MMP26: variants seen among roughly 807,000 people sequenced by gnomAD.
MMP26 encodes the protein matrix metalloproteinase-26.
In MMP26, 33 loss-of-function variants were observed where a neutral mutation model predicts 31.0. The observed-to-expected ratio is 1.06, with a 90% CI of 0.81 to 1.42. The LOEUF (loss-of-function observed/expected upper bound fraction) is 1.42, where lower values mean the gene tolerates loss of function less well. Among genes scored for constraint, MMP26 ranks in the 40% most tolerant of loss-of-function variants. The pLI is 0.00. For synonymous variants in MMP26, 122 were observed against 114.9 expected, an observed-to-expected ratio of 1.06 and a Z score of -0.40; for missense variants, 347 against 316.1, an observed-to-expected ratio of 1.10 and a Z score of -0.74.
chr11:4,772,124 A>C (rs185029232), intron 2 of MMP26, among the ~76,000 whole-genome samples: 2 of 152,266 alleles, frequency 1.3e-5, no homozygotes, highest in East Asian at 3.9e-4. Flanking sequence ...CAGAGCAAAA[A>C]AGAAACCACC....
intron 2 of MMP26, chr11:4,848,105 G>T (rs1304570000): frequency 3.2e-6 from 3 of 945,622 alleles, no homozygotes; most frequent in Non-Finnish European, 4.7e-6. Flanking sequence ...ATACTTCCAG[G>T]GACAGGAAGC....
chr11:4,860,041 A>G (rs1850124988), intron 2 of MMP26: 1 of 471,038 alleles, frequency 2.1e-6, no homozygotes, highest in Admixed American at 2.4e-5. Flanking sequence ...ATGAGACAAG[A>G]CATTGGAATG....
At chr11:4,821,379 A>C (rs373984546) in intron 2 of MMP26, 7 of 1,605,000 alleles carry the variant, frequency 4.4e-6, no homozygotes, top group Non-Finnish European at 5.1e-6. Context: ...ATTATGTGTT[A>C]TGTTAAATGA....
At chr11:4,705,685 AT>A (rs555569891) in intron 1 of MMP26, among the ~76,000 whole-genome samples, 4 of 152,230 alleles carry the variant, frequency 2.6e-5, no homozygotes, top group South Asian at 4.1e-4. Flanking sequence ...GAATCACAGA[AT>A]TTTTTTTAAA....
chr11:4,867,863 A>C (rs1306412008), intron 2 of MMP26, among the ~76,000 whole-genome samples: 2 of 152,306 alleles, frequency 1.3e-5, no homozygotes, highest in East Asian at 3.9e-4. Context: ...AGGCAGAAAT[A>C]CCATTTGACC....
chr11:4,731,020 C>A (rs187537395), intron 1 of MMP26, among the ~76,000 whole-genome samples: 14 of 152,144 alleles, frequency 9.2e-5, no homozygotes, highest in African/African-American at 2.4e-5. Flanking sequence ...TCTTGGTTCA[C>A]TGCAGCCTCC....
At chr11:4,874,430 C>T (rs1031042891) in intron 2 of MMP26, among the ~76,000 whole-genome samples, 2 of 151,912 alleles carry the variant, frequency 1.3e-5, no homozygotes, top group Admixed American at 6.6e-5. Context: ...ATGACCAAGG[C>T]TCCTATTTCA....
intron 2 of MMP26, chr11:4,871,764 C>T (rs973162491): frequency 6.6e-6 from 1 of 152,140 alleles, no homozygotes; most frequent in African/African-American, 2.4e-5. Context: ...AAATCTGAGG[C>T]CTGAGAAGTG....
At position 4,848,562 on chromosome 11, in the gene MMP26, A is replaced by G. The variant is rs57238061; in HGVS notation, c.-145+81221A>G. The G allele has an allele frequency of 0.011, 17,389 of 1,610,418 alleles. 1,464 individuals carry two copies. The African/African-American group carries it at 0.2, about 18-fold the overall frequency. On this transcript the variant is annotated intron_variant, in intron 2 of 7. Transcript: ENST00000380390. ...GGAGAAGAAAATAAGCAGGGGGTCC[A>G]AACCCATGGCTGAAAGAACCACAAA...
At chr11:4,971,935 G>T (rs562537847) in intron 2 of MMP26, among the ~76,000 whole-genome samples, 1 of 152,130 alleles carries the variant, frequency 6.6e-6, no homozygotes, top group Non-Finnish European at 1.5e-5. Context: ...ACTCAATCCT[G>T]CAAGAATGGT....
intron 2 of MMP26, among the ~76,000 whole-genome samples, chr11:4,801,036 G>A (rs1027006240): frequency 6.6e-6 from 1 of 152,110 alleles, no homozygotes; most frequent in Non-Finnish European, 1.5e-5. Flanking sequence ...TCAAGTTCAT[G>A]TGGACTTAGT....
At chr11:4,824,468 C>G (rs1260605015) in intron 2 of MMP26, among the ~76,000 whole-genome samples, 1 of 152,080 alleles carries the variant, frequency 6.6e-6, no homozygotes, top group Non-Finnish European at 1.5e-5. Flanking sequence ...TAATAGGAAG[C>G]CCATTTCCAC....
chr11:4,813,015 G>GTGTA (rs1849370898), intron 2 of MMP26, among the ~76,000 whole-genome samples: 2 of 147,640 alleles, frequency 1.4e-5, no homozygotes, highest in African/African-American at 4.9e-5. Context: ...GTGTGTGTAT[G>GTGTA]TATATATATA....
chr11:4,820,118 C>T (rs1048867831), intron 2 of MMP26, among the ~76,000 whole-genome samples: 1 of 152,142 alleles, frequency 6.6e-6, no homozygotes, highest in Non-Finnish European at 1.5e-5. Context: ...CACCTGGAGC[C>T]TTTGTCAGAC....
At chr11:4,798,682 G>T (rs1849141494) in intron 2 of MMP26, among the ~76,000 whole-genome samples, 1 of 152,188 alleles carries the variant, frequency 6.6e-6, no homozygotes, top group Non-Finnish European at 1.5e-5. Context: ...AAGTGGGTAT[G>T]ATGAGAACAG....
intron 2 of MMP26, among the ~76,000 whole-genome samples, chr11:4,950,550 C>A (rs10837013): frequency 0.36 from 42,169 of 117,932 alleles, 14,261 homozygotes; most frequent in Middle Eastern, 0.53. Context: ...AGATGATAGT[C>A]AAAAGGTAAA....
intron 1 of MMP26, among the ~76,000 whole-genome samples, chr11:4,728,437 T>C (rs1848131524): frequency 6.6e-6 from 1 of 151,988 alleles, no homozygotes; most frequent in Admixed American, 6.6e-5. Context: ...AGTAGAGGAG[T>C]ACAGAGGCCT....
chr11:4,813,015 GTA>G (rs36076505), intron 2 of MMP26, among the ~76,000 whole-genome samples: 39 of 147,308 alleles, frequency 2.6e-4, no homozygotes, highest in Admixed American at 3.4e-4. Flanking sequence ...GTGTGTGTAT[GTA>G]TATATATATA....
intron 1 of MMP26, among the ~76,000 whole-genome samples, chr11:4,755,413 G>A (rs1848493958): frequency 6.6e-6 from 1 of 151,918 alleles, no homozygotes; most frequent in Non-Finnish European, 1.5e-5. Context: ...TAAGGAATGT[G>A]GAGTCTGTAC....
Sources: allele counts gnomAD v4.1 joint callset (sites outside exome capture counted in the v4.1 genomes callset), GRCh38; gene constraint gnomAD v4.1.1; transcripts MANE v1.5; gene names NCBI Gene and HGNC (gene_info 2026-07-23, HGNC 2026-07-21).